The following OCA2 variants were observed in gnomAD, a reference collection of about 807,000 sequenced individuals.
OCA2 encodes OCA2 melanosomal transmembrane protein.
In OCA2, 77 loss-of-function variants were observed where a neutral mutation model predicts 100.2. The ratio of observed to expected loss-of-function variants is 0.77; its 90% CI spans 0.64 to 0.93. OCA2 has a LOEUF of 0.93. OCA2 is among the 40% of genes least tolerant of loss of function. The probability of loss-of-function intolerance (pLI) is 0.00; values close to 1 mark genes in which losing one functional copy is unlikely to be tolerated. For synonymous variants in OCA2, 432 were observed against 439.2 expected, an observed-to-expected ratio of 0.98 and a Z score of 0.21; for missense variants, 1,062 against 1,089.1, an observed-to-expected ratio of 0.98 and a Z score of 0.35.
chr15:27,883,495 C>A lies in OCA2; in HGVS notation c.2080-11573G>T, dbSNP rs758594751. Reference sequence around the variant, plus strand: ...AAAATTTTAAAATAAATTAAGTCGGCTACTGTTCCTGTGTCCAATCCTCCC... The same window carrying A: ...AAAATTTTAAAATAAATTAAGTCGGATACTGTTCCTGTGTCCAATCCTCCC... On this transcript the variant is annotated intron_variant, in intron 19 of 23. Transcript: ENST00000354638. 1.4e-4 allele frequency among the ~76,000 whole-genome samples: 22 copies of A among 152,208 alleles called. 1 individual carries two copies. Among genetic ancestry groups the A allele is most frequent in the Admixed American group, 1.2e-3 (18 of 15,288 alleles).
At chr15:27,955,266 G>A (rs1205932082) in intron 16 of OCA2, 51 bp from the exon 17 acceptor site, 2 of 1,303,174 alleles carry the variant, frequency 1.5e-6, no homozygotes, top group Non-Finnish European at 2.2e-6. Flanking sequence ...GCTGCGTGGT[G>A]AGATCGCGGA....
the OCA2 span, among the ~76,000 whole-genome samples, chr15:27,747,120 A>T: frequency 6.6e-6 from 1 of 152,106 alleles, no homozygotes; most frequent in South Asian, 2.1e-4. Flanking sequence ...ACACAGACAG[A>T]CTCAGTGAGC....
At chr15:27,824,022 A>C (rs2034604170) in intron 23 of OCA2, among the ~76,000 whole-genome samples, 1 of 152,198 alleles carries the variant, frequency 6.6e-6, no homozygotes, top group Non-Finnish European at 1.5e-5. Context: ...TACTATCGAA[A>C]TGCATCATAA....
intron 19 of OCA2, among the ~76,000 whole-genome samples, chr15:27,907,135 T>G (rs542196963): frequency 1.3e-5 from 2 of 152,060 alleles, no homozygotes; most frequent in Non-Finnish European, 2.9e-5. Flanking sequence ...GGGACAAATA[T>G]CCAAAACATA....
intron 9 of OCA2, among the ~76,000 whole-genome samples, chr15:27,992,422 T>C (rs1316688717): frequency 1.3e-5 from 2 of 152,118 alleles, no homozygotes; most frequent in Non-Finnish European, 2.9e-5. Context: ...ATTTTAAGGA[T>C]ACTTCCTTAT....
At chr15:27,952,363 C>T (rs1319313918) in intron 17 of OCA2, among the ~76,000 whole-genome samples, 2 of 152,198 alleles carry the variant, frequency 1.3e-5, no homozygotes, top group African/African-American at 4.8e-5. Flanking sequence ...ATGACACCCG[C>T]GAGAATCCAC....
chr15:27,728,860 G>A, the OCA2 span, among the ~76,000 whole-genome samples: 1 of 152,176 alleles, frequency 6.6e-6, no homozygotes, highest in Admixed American at 6.5e-5. Context: ...TCTAGAACAT[G>A]CTTTTCTGAC....
intron 21 of OCA2, among the ~76,000 whole-genome samples, chr15:27,862,144 CAT>C (rs1567033475): frequency 6.6e-6 from 1 of 151,958 alleles, no homozygotes; most frequent in East Asian, 1.9e-4. Flanking sequence ...CTCAAGTCCT[CAT>C]GGACAGAAAG....
At chr15:28,068,936 G>T (rs1274157701) in intron 2 of OCA2, among the ~76,000 whole-genome samples, 1 of 152,136 alleles carries the variant, frequency 6.6e-6, no homozygotes, top group African/African-American at 2.4e-5. Context: ...CTGAAGGAAT[G>T]TACCTCATAA....
At chr15:27,720,298 A>G in the OCA2 span, among the ~76,000 whole-genome samples, 1 of 151,998 alleles carries the variant, frequency 6.6e-6, no homozygotes, top group East Asian at 1.9e-4. Context: ...GAGAAAGAAC[A>G]GGGGTGGGAG....
chr15:27,968,587 T>G (rs887907377), intron 14 of OCA2, among the ~76,000 whole-genome samples: 8 of 152,242 alleles, frequency 5.3e-5, no homozygotes, highest in African/African-American at 1.9e-4. Flanking sequence ...GTGAAATCAC[T>G]TTCAACATTA....
intron 5 of OCA2, 96 bp from the exon 6 acceptor site, chr15:28,022,669 G>A: frequency 1.1e-6 from 1 of 871,822 alleles, no homozygotes; most frequent in Non-Finnish European, 1.9e-6. Flanking sequence ...TGTGATGATG[G>A]GGCTACTGTG....
At chr15:28,048,408 T>C (rs2043406376) in intron 2 of OCA2, among the ~76,000 whole-genome samples, 1 of 152,192 alleles carries the variant, frequency 6.6e-6, no homozygotes, top group Admixed American at 6.5e-5. Context: ...GCCAACCAGT[T>C]TTGTGGCAAG....
intron 12 of OCA2, among the ~76,000 whole-genome samples, chr15:27,985,995 G>A (rs1173769125): frequency 6.6e-6 from 1 of 152,128 alleles, no homozygotes; most frequent in Non-Finnish European, 1.5e-5. Flanking sequence ...CCAGCCTGTT[G>A]AGTAATTTTT....
At chr15:27,890,683 T>C (rs1032616525) in intron 19 of OCA2, among the ~76,000 whole-genome samples, 5 of 152,208 alleles carry the variant, frequency 3.3e-5, no homozygotes, top group Non-Finnish European at 5.9e-5. Context: ...CTAGCAGACC[T>C]ACCCTTAAAG....
chr15:28,082,850 C>T (rs1044130263), intron 1 of OCA2, among the ~76,000 whole-genome samples: 1 of 152,048 alleles, frequency 6.6e-6, no homozygotes, highest in Non-Finnish European at 1.5e-5. Flanking sequence ...ATAATACCTA[C>T]AATAAAAGTA....
chr15:27,851,373 GC>G lies in OCA2; in HGVS notation c.2338+8del. 6.2e-7 allele frequency: 1 copy of G among 1,612,210 alleles called. No homozygotes were observed. Among genetic ancestry groups the G allele is most frequent in the South Asian group, 1.1e-5 (1 of 90,784 alleles). On this transcript the variant is annotated splice_region_variant and intron_variant, in intron 22 of 23. Coordinates refer to ENST00000354638, the MANE Select transcript of OCA2 (RefSeq NM_000275.3). Reference sequence around the variant, plus strand: ...CACCCCCACCCCCATGCAGTCAGCAGCCCCTTACCTCCCAGGCAAGCACCGA... The same window carrying G: ...CACCCCCACCCCCATGCAGTCAGCAGCCCTTACCTCCCAGGCAAGCACCGA...
chr15:27,844,929 A>G, intron 23 of OCA2, 30 bp downstream of exon 23: 1 of 1,471,454 alleles, frequency 6.8e-7, no homozygotes, highest in Non-Finnish European at 9.5e-7. Context: ...AGACAGTTTA[A>G]CAGAAAATTT....
intron 7 of OCA2, among the ~76,000 whole-genome samples, chr15:28,018,097 CAAAAAAA>C (rs368311380): frequency 8.7e-6 from 1 of 115,066 alleles, no homozygotes; most frequent in Non-Finnish European, 1.9e-5. Context: ...TCAACGACAC[CAAAAAAA>C]AAAAAAAAAG....
Sources: allele counts gnomAD v4.1 joint callset (sites outside exome capture counted in the v4.1 genomes callset), GRCh38; gene constraint gnomAD v4.1.1; transcripts MANE v1.5; gene names NCBI Gene and HGNC (gene_info 2026-07-23, HGNC 2026-07-21).